GLI2: variants seen among roughly 807,000 people sequenced by gnomAD.
GLI2 encodes GLI family zinc finger 2.
A neutral mutation model predicts 78.9 loss-of-function variants in GLI2; 22 were observed. The observed-to-expected ratio is 0.28, with a 90% CI of 0.20 to 0.40. The LOEUF (loss-of-function observed/expected upper bound fraction) is 0.40, where lower values mean the gene tolerates loss of function less well. Ranked by LOEUF, GLI2 falls within the 10% of genes least tolerant of loss-of-function variation. The probability of loss-of-function intolerance (pLI) is 1.00; values close to 1 mark genes in which losing one functional copy is unlikely to be tolerated. For synonymous variants in GLI2, 974 were observed against 963.7 expected, an observed-to-expected ratio of 1.01 and a Z score of -0.20; for missense variants, 2,097 against 2,213.2, an observed-to-expected ratio of 0.95 and a Z score of 1.05.
chr2:120,961,270 G>T (rs978382078), intron 5 of GLI2, among the ~76,000 whole-genome samples: 4 of 152,180 alleles, frequency 2.6e-5, no homozygotes, highest in Non-Finnish European at 5.9e-5. Flanking sequence ...GATCCGGGGG[G>T]TTTTCAGAAA....
At chr2:120,743,936 G>C (rs1412091705) in intron 1 of GLI2, among the ~76,000 whole-genome samples, 2 of 152,220 alleles carry the variant, frequency 1.3e-5, no homozygotes, top group African/African-American at 4.8e-5. Flanking sequence ...TGCCTGTCAA[G>C]GAATATGTCC....
intron 1 of GLI2, among the ~76,000 whole-genome samples, chr2:120,786,276 C>G (rs1335317570): frequency 6.6e-6 from 1 of 152,200 alleles, no homozygotes; most frequent in African/African-American, 2.4e-5. Flanking sequence ...CAGGTCAGCC[C>G]AGCTCCTTTC....
At chr2:120,856,418 G>A (rs1687646227) in intron 2 of GLI2, among the ~76,000 whole-genome samples, 1 of 152,170 alleles carries the variant, frequency 6.6e-6, no homozygotes, top group Non-Finnish European at 1.5e-5. Flanking sequence ...TTTATGGCAG[G>A]TTTGGGCCGA....
intron 1 of GLI2, among the ~76,000 whole-genome samples, chr2:120,756,925 A>G (rs1683048033): frequency 6.6e-6 from 1 of 152,132 alleles, no homozygotes. Flanking sequence ...CCCACAGCTC[A>G]TATGCTCTTT....
intron 5 of GLI2, among the ~76,000 whole-genome samples, chr2:120,956,938 A>G (rs1480773061): frequency 6.6e-6 from 1 of 152,068 alleles, no homozygotes; most frequent in African/African-American, 2.4e-5. Context: ...CGCCTCCTCC[A>G]GGAAGTCTCT....
intron 2 of GLI2, among the ~76,000 whole-genome samples, chr2:120,834,456 G>C (rs72971953): frequency 6.6e-6 from 1 of 152,276 alleles, no homozygotes; most frequent in Admixed American, 6.5e-5. Context: ...CTCCCAGAGT[G>C]TAGAGCCAGG....
At chr2:120,755,670 C>T (rs1032361800) in intron 1 of GLI2, among the ~76,000 whole-genome samples, 1 of 151,926 alleles carries the variant, frequency 6.6e-6, no homozygotes, top group African/African-American at 2.4e-5. Flanking sequence ...AAATTGAAGT[C>T]ACAAGGATTT....
chr2:120,799,566 T>C (rs36073505), intron 2 of GLI2, among the ~76,000 whole-genome samples: 4,770 of 152,292 alleles, frequency 0.031, 84 homozygotes, highest in Middle Eastern at 0.037. Flanking sequence ...AGGGACATCG[T>C]GGGCCAAGTC....
At chr2:120,753,936 C>A (rs943676704) in intron 1 of GLI2, among the ~76,000 whole-genome samples, 28 of 149,138 alleles carry the variant, frequency 1.9e-4, no homozygotes, top group African/African-American at 6.7e-4. Flanking sequence ...AAAAAAACAA[C>A]TATTTCCTCT....
At chr2:120,778,993 T>G (rs4848628) in intron 1 of GLI2, among the ~76,000 whole-genome samples, 40,004 of 152,010 alleles carry the variant, frequency 0.26, 7,380 homozygotes, top group African/African-American at 0.53. Flanking sequence ...AGAGGCCCCA[T>G]CATGGCTGAC....
At chr2:120,760,149 T>C (rs754035425) in intron 1 of GLI2, among the ~76,000 whole-genome samples, 2 of 152,142 alleles carry the variant, frequency 1.3e-5, no homozygotes, top group Non-Finnish European at 2.9e-5. Flanking sequence ...GCTCTGTTGC[T>C]CCAGGGGAGG....
chr2:120,980,768 GA>G (rs2105058406), intron 10 of GLI2, among the ~76,000 whole-genome samples: 1 of 152,114 alleles, frequency 6.6e-6, no homozygotes, highest in South Asian at 2.1e-4. Context: ...TTTATTTATA[GA>G]AATATTGAAT....
chr2:120,775,842 A>C (rs547631541), intron 1 of GLI2, among the ~76,000 whole-genome samples: 3 of 152,192 alleles, frequency 2.0e-5, no homozygotes, highest in Non-Finnish European at 4.4e-5. Flanking sequence ...TCCATATGCC[A>C]TGTCGTACAG....
intron 1 of GLI2, among the ~76,000 whole-genome samples, chr2:120,791,483 A>G (rs1343562209): frequency 4.6e-5 from 7 of 152,224 alleles, no homozygotes; most frequent in African/African-American, 1.4e-4. Flanking sequence ...TTTAGCTGTC[A>G]TGAGGTTAGA....
At chr2:120,916,993 T>C in intron 2 of GLI2, among the ~76,000 whole-genome samples, 1 of 152,072 alleles carries the variant, frequency 6.6e-6, no homozygotes, top group African/African-American at 2.4e-5. Context: ...GGATTGGGCC[T>C]GGGATCTCCA....
chr2:120,782,206 T>C (rs1224944675), intron 1 of GLI2, among the ~76,000 whole-genome samples: 1 of 152,204 alleles, frequency 6.6e-6, no homozygotes, highest in Non-Finnish European at 1.5e-5. Flanking sequence ...TACTTAACCC[T>C]GTAGTGAACA....
Position 120,969,689 on chromosome 2 carries a change from G to A in GLI2, c.846-704G>A, listed in dbSNP as rs115800431. Among the ~76,000 whole-genome samples, 1,263 of 152,322 alleles carry A rather than the reference G, an allele frequency of 8.3e-3. 19 individuals carry two copies. Among genetic ancestry groups the A allele is most frequent in the African/African-American group, 0.029 (1,212 of 41,572 alleles). ...CTGTCAGCCAGTGCTTCATCCCGCCGAAGGCTTGACTGGGCCAGAATGCCC... is the reference window on the plus strand; with the variant it reads ...CTGTCAGCCAGTGCTTCATCCCGCCAAAGGCTTGACTGGGCCAGAATGCCC... On this transcript the variant is annotated intron_variant, in intron 6 of 13. Transcript: ENST00000361492.
At position 120,797,376 on chromosome 2, in the gene GLI2, T is replaced by A. The variant is rs750880487; in HGVS notation, c.56T>A (p.Ile19Asn). The A allele has an allele frequency of 6.2e-7, 1 of 1,613,826 alleles. No individual in the cohort carries two copies. The highest frequency in any genetic ancestry group is 1.7e-5 in the Admixed American group (1 of 59,984). The change falls in exon 2 of 14, where the codon ATC (isoleucine) becomes AAC (asparagine). Residue 19 changes from isoleucine to asparagine, a missense_variant. Physicochemically the swap from Ile to Asn is moderately radical, Grantham distance 149 (BLOSUM62 -3). Coordinates refer to ENST00000361492, the MANE Select transcript of GLI2 (RefSeq NM_001374353.1). ...ASEKQEAKSGILEAAGFPDPG... is the reference protein window; with the variant it reads ...ASEKQEAKSGNLEAAGFPDPG... The stretch of plus-strand genomic sequence containing the variant: ...GAGAAGCAAGAAGCCAAAAGTGGGA[T>A]CCTGGAGGCCGCTGGCTTCCCCGAC...
chr2:120,838,190 T>C (rs577420187), intron 2 of GLI2, among the ~76,000 whole-genome samples: 1 of 152,310 alleles, frequency 6.6e-6, no homozygotes, highest in East Asian at 1.9e-4. Flanking sequence ...GTCTTACACA[T>C]TTTTTGTTAC....
Sources: gnomAD v4.1 joint callset for allele counts (sites outside exome capture counted in the v4.1 genomes callset) on GRCh38, gnomAD v4.1.1 for gene constraint, MANE v1.5 for transcripts, NCBI Gene and HGNC (gene_info 2026-07-23, HGNC 2026-07-21) for gene names.